Variants in ACYP2 observed in about 807,000 individuals in gnomAD.
ACYP2 encodes acylphosphatase 2.
A neutral mutation model predicts 11.2 loss-of-function variants in ACYP2; 12 were observed. The observed-to-expected ratio is 1.08, with a 90% CI of 0.69 to 1.74. ACYP2 has a LOEUF of 1.74. ACYP2 is among the 40% of genes most tolerant of loss of function. The pLI, the probability that ACYP2 is intolerant of heterozygous loss-of-function variation, is 0.00. For synonymous variants in ACYP2, 43 were observed against 32.2 expected, an observed-to-expected ratio of 1.33 and a Z score of -1.13; for missense variants, 134 against 101.9, an observed-to-expected ratio of 1.31 and a Z score of -1.35.
intron 4 of ACYP2, among the ~76,000 whole-genome samples, chr2:54,058,459 GAC>G (rs997963897): frequency 9.2e-5 from 14 of 152,020 alleles, no homozygotes; most frequent in Non-Finnish European, 1.9e-4. Context: ...ATTAACCCCT[GAC>G]ACACACATAT....
intron 4 of ACYP2, among the ~76,000 whole-genome samples, chr2:54,131,247 G>A (rs1212662334): frequency 6.6e-6 from 1 of 152,208 alleles, no homozygotes. Context: ...GATTGGAGCA[G>A]GTAATTTCCT....
chr2:54,004,131 G>A (rs1206359868), intron 2 of ACYP2, among the ~76,000 whole-genome samples: 4 of 151,886 alleles, frequency 2.6e-5, no homozygotes, highest in South Asian at 2.1e-4. Context: ...CCACAGACAT[G>A]CGCCGCCATG....
intron 6 of ACYP2, among the ~76,000 whole-genome samples, chr2:54,150,507 T>A (rs1682106654): frequency 6.6e-6 from 1 of 152,116 alleles, no homozygotes; most frequent in South Asian, 2.1e-4. Flanking sequence ...TTGTAGTCTC[T>A]GCCTCCTGGG....
At chr2:54,002,362 T>TC (rs997493418) in intron 2 of ACYP2, among the ~76,000 whole-genome samples, 1 of 152,026 alleles carries the variant, frequency 6.6e-6, no homozygotes, top group South Asian at 2.1e-4. Context: ...TTTTTTTTTT[T>TC]TGAGACGGAG....
intron 6 of ACYP2, among the ~76,000 whole-genome samples, chr2:54,173,497 T>G (rs1005031489): frequency 6.6e-6 from 1 of 152,170 alleles, no homozygotes; most frequent in Non-Finnish European, 1.5e-5. Context: ...TAGGTTGCCT[T>G]TTCACTCTGA....
At chr2:54,232,804 G>A (rs1261806638) in intron 6 of ACYP2, among the ~76,000 whole-genome samples, 1 of 152,052 alleles carries the variant, frequency 6.6e-6, no homozygotes, top group East Asian at 1.9e-4. Context: ...GATCTCATGA[G>A]AACTCATTTA....
chr2:54,125,980 T>C (rs1010278939), intron 4 of ACYP2, among the ~76,000 whole-genome samples: 22 of 146,124 alleles, frequency 1.5e-4, no homozygotes, highest in Admixed American at 1.4e-3. Context: ...ACTCGGGAGG[T>C]TGAGGCGGAA....
intron 4 of ACYP2, among the ~76,000 whole-genome samples, chr2:54,085,513 T>C (rs1677903404): frequency 6.6e-6 from 1 of 152,240 alleles, no homozygotes; most frequent in African/African-American, 2.4e-5. Flanking sequence ...TATCTCAGTG[T>C]CTAATACTAT....
At chr2:54,097,098 T>C (rs1678635695) in intron 4 of ACYP2, among the ~76,000 whole-genome samples, 1 of 152,024 alleles carries the variant, frequency 6.6e-6, no homozygotes. Flanking sequence ...TTCAAAAGGG[T>C]TTATAATATC....
At chr2:53,995,018 G>A (rs1336684534) in intron 2 of ACYP2, among the ~76,000 whole-genome samples, 7 of 152,072 alleles carry the variant, frequency 4.6e-5, no homozygotes, top group African/African-American at 1.2e-4. Flanking sequence ...GTGTCTTTCT[G>A]TTTTTGCGTC....
At chr2:54,164,681 A>T (rs1372074160) in intron 6 of ACYP2, among the ~76,000 whole-genome samples, 1 of 152,178 alleles carries the variant, frequency 6.6e-6, no homozygotes, top group South Asian at 2.1e-4. Context: ...TCTTGTGGCA[A>T]ACAGCGTTTT....
chr2:54,066,813 G>A (rs1377063848), intron 4 of ACYP2, among the ~76,000 whole-genome samples: 2 of 152,130 alleles, frequency 1.3e-5, no homozygotes, highest in Admixed American at 6.5e-5. Flanking sequence ...ATCCAGACAT[G>A]GTGGCCAAAC....
At chr2:54,113,552 T>G (rs1572780920) in intron 4 of ACYP2, among the ~76,000 whole-genome samples, 1 of 151,914 alleles carries the variant, frequency 6.6e-6, no homozygotes, top group African/African-American at 2.4e-5. Context: ...GCCAAGATAC[T>G]TAAAAAAAAA....
At chr2:53,987,029 C>T (rs1020665287) in intron 2 of ACYP2, among the ~76,000 whole-genome samples, 2 of 152,186 alleles carry the variant, frequency 1.3e-5, no homozygotes. Flanking sequence ...TGCACAAATA[C>T]ATGCAACAAT....
At chr2:53,986,956 C>G (rs1280975618) in intron 2 of ACYP2, among the ~76,000 whole-genome samples, 1 of 152,156 alleles carries the variant, frequency 6.6e-6, no homozygotes, top group East Asian at 1.9e-4. Flanking sequence ...TATCCAGTCT[C>G]TGATATTCCT....
At chr2:54,150,853 T>G (rs1271815732) in intron 6 of ACYP2, among the ~76,000 whole-genome samples, 2 of 151,744 alleles carry the variant, frequency 1.3e-5, no homozygotes, top group Non-Finnish European at 2.9e-5. Context: ...ACCATTCTCC[T>G]GCCTCAGCCT....
At chr2:54,159,910 C>T (rs1488571295) in intron 6 of ACYP2, among the ~76,000 whole-genome samples, 4 of 152,174 alleles carry the variant, frequency 2.6e-5, no homozygotes, top group African/African-American at 9.7e-5. Context: ...TCCTTCTTGT[C>T]TCCACGCCTT....
intron 6 of ACYP2, among the ~76,000 whole-genome samples, chr2:54,203,100 C>T (rs1254274545): frequency 4.6e-5 from 7 of 151,968 alleles, no homozygotes; most frequent in Non-Finnish European, 1.0e-4. Context: ...ACTTCATAAG[C>T]TTGGGATTGT....
intron 6 of ACYP2, among the ~76,000 whole-genome samples, chr2:54,275,289 T>C (rs1295610127): frequency 3.3e-5 from 5 of 152,228 alleles, no homozygotes; most frequent in Non-Finnish European, 7.3e-5. Context: ...TAAATCTGAG[T>C]ATACTTTTCC....
Sources: gnomAD v4.1 joint callset for allele counts (sites outside exome capture counted in the v4.1 genomes callset) on GRCh38, gnomAD v4.1.1 for gene constraint, MANE v1.5 for transcripts, NCBI Gene and HGNC (gene_info 2026-07-23, HGNC 2026-07-21) for gene names.